The following RGS4 variants were observed in gnomAD, a reference collection of about 807,000 sequenced individuals.
RGS4 encodes the protein regulator of G protein signaling 4.
In RGS4, 15 loss-of-function variants were observed where a neutral mutation model predicts 21.6. The ratio of observed to expected loss-of-function variants is 0.69; its 90% CI spans 0.46 to 1.07. The LOEUF is 1.07. RGS4 is among the 50% of genes least tolerant of loss of function. RGS4 has a pLI of 0.00. For missense variants in RGS4, 237 were observed against 239.0 expected, an observed-to-expected ratio of 0.99 and a Z score of 0.06; for synonymous variants, 94 against 85.5, an observed-to-expected ratio of 1.10 and a Z score of -0.55.
chr1:163,073,341 AG>A, intron 3 of RGS4, 114 bp from the exon 4 acceptor site: 1 of 825,040 alleles, frequency 1.2e-6, no homozygotes, highest in Non-Finnish European at 1.8e-6. Context: ...CAGGGGAAAA[AG>A]GGATTGCTTG....
chr1:163,073,787 C>T (rs995362909), intron 4 of RGS4, 165 bp downstream of exon 4: 5 of 542,838 alleles, frequency 9.2e-6, no homozygotes, highest in South Asian at 8.8e-5. Context: ...ATCTCCTCTT[C>T]TAGCTATCTT....
chr1:163,074,348 G>A lies in RGS4; in HGVS notation c.406G>A (p.Glu136Lys), dbSNP rs759654367. Residue 136 changes from glutamate (E) to lysine (K), a missense_variant, in exon 5 of 5, where the codon GAG becomes AAG. By Grantham distance (56) the Glu-to-Lys change is moderately conservative. Coordinates refer to ENST00000367909, the MANE Select transcript of RGS4 (RefSeq NM_005613.6). ...EVNLDSCTRE[E>K]TSRNMLEPTI... is the part of the protein sequence containing the mutation. ...GAACCTGGATTCTTGCACCAGGGAA[G>A]AGACAAGCCGGAACATGCTAGAGCC... The A allele has an allele frequency of 1.2e-6, 2 of 1,613,716 alleles. No homozygotes were observed. Among genetic ancestry groups the A allele is most frequent in the African/African-American group, 1.3e-5 (1 of 74,900 alleles).
chr1:163,070,348 A>C (rs1334248657), intron 1 of RGS4, among the ~76,000 whole-genome samples: 1 of 152,184 alleles, frequency 6.6e-6, no homozygotes, highest in Non-Finnish European at 1.5e-5. Context: ...ATGAGTGCAT[A>C]TTACATTACT....
rs1571158436 is a variant in RGS4 at position 163,069,478 on chromosome 1, A to C, written c.-7A>C. The C allele has an allele frequency of 6.2e-7, 1 of 1,613,520 alleles. No homozygotes were observed. The highest frequency in any genetic ancestry group is 1.3e-5 in the African/African-American group (1 of 74,982). On this transcript the variant is annotated 5_prime_UTR_variant, in exon 1 of 5. Coordinates refer to ENST00000367909, the MANE Select transcript of RGS4 (RefSeq NM_005613.6). ...TCCTGCTTGCGAATTCCAAGCTGTTAAATAAGATGTGCAAAGGGCTTGCAG... is the reference window on the plus strand; with the variant it reads ...TCCTGCTTGCGAATTCCAAGCTGTTCAATAAGATGTGCAAAGGGCTTGCAG...
upstream of RGS4, chr1:163,069,149 T>C: frequency 2.0e-6 from 3 of 1,497,084 alleles, no homozygotes; most frequent in Non-Finnish European, 2.7e-6. Context: ...GGTGGAGACA[T>C]TGAGTACATT....
intron 4 of RGS4, 137 bp downstream of exon 4, chr1:163,073,759 G>T (rs1004001630): frequency 1.7e-5 from 10 of 589,338 alleles, no homozygotes; most frequent in Admixed American, 7.1e-5. Flanking sequence ...TTATTTCTAC[G>T]TGTTGAGAAC....
At chr1:163,069,295 G>T, upstream of RGS4, 5 of 1,551,302 alleles carry the variant, frequency 3.2e-6, no homozygotes, top group Non-Finnish European at 4.4e-6. Context: ...GTACTGCAGA[G>T]CGGTCGTCTG....
rs1336057263 is a variant in RGS4, at chr1:163,073,585, TCTATAATGAATTCATCTCA to T, written c.342_360del (p.Ile114MetfsTer8). 1 of 1,610,260 alleles carries T rather than the reference TCTATAATGAATTCATCTCA, an allele frequency of 6.2e-7. No homozygotes were observed. Among genetic ancestry groups the T allele is most frequent in the Non-Finnish European group, 8.5e-7 (1 of 1,178,854 alleles). ...AAACTAAGTCCCAAGGCCAAAAAGA[TCTATAATGAATTCATCTCA>T]GTCCAGGCAACCAAAGAGGTAGGTT... On this transcript the variant is annotated frameshift_variant, in exon 4 of 5. Coordinates refer to ENST00000367909, the MANE Select transcript of RGS4 (RefSeq NM_005613.6). LOFTEE classifies it high-confidence loss of function.
intron 3 of RGS4, 103 bp downstream of exon 3, chr1:163,072,969 C>G (rs994166198): frequency 1.1e-6 from 1 of 951,886 alleles, no homozygotes; most frequent in Non-Finnish European, 1.6e-6. Flanking sequence ...TTCTGATGTT[C>G]AGACTCAGGA....
intron 3 of RGS4, 26 bp downstream of exon 3, chr1:163,072,892 A>C (rs1220523074): frequency 1.9e-6 from 3 of 1,594,650 alleles, no homozygotes; most frequent in East Asian, 4.5e-5. Context: ...ACCTGGGATG[A>C]GGTACTCTGG....
chr1:163,074,125 C>G (rs981685623), intron 4 of RGS4, 196 bp from the exon 5 acceptor site: 38 of 635,602 alleles, frequency 6.0e-5, no homozygotes, highest in Middle Eastern at 4.3e-4. Context: ...TTGCCCTGCT[C>G]TCTCTAAAGC....
At chr1:163,073,410 G>A in intron 3 of RGS4, 46 bp from the exon 4 acceptor site, 2 of 1,477,102 alleles carry the variant, frequency 1.4e-6, no homozygotes, top group Non-Finnish European at 1.8e-6. Flanking sequence ...TATCCAAGAG[G>A]CCAACCAGTG....
chr1:163,075,478 G>A lies in RGS4; in HGVS notation c.*918G>A, dbSNP rs1461291186. 1 of 152,200 alleles carries A rather than the reference G, an allele frequency of 6.6e-6. No homozygotes were observed. Among genetic ancestry groups the A allele is most frequent in the East Asian group, 1.9e-4 (1 of 5,174 alleles). 9.4% of individuals were successfully genotyped at this position (152,200 alleles called of 1,614,324 possible). On this transcript the variant is annotated 3_prime_UTR_variant, in exon 5 of 5. Coordinates refer to ENST00000367909, the MANE Select transcript of RGS4 (RefSeq NM_005613.6). Reference sequence around the variant, plus strand: ...TGCCAGCCTTCCCTTCTTTTCCTGGGTGCTCAGGGCATGCTTATTAGCAGC... The same window carrying A: ...TGCCAGCCTTCCCTTCTTTTCCTGGATGCTCAGGGCATGCTTATTAGCAGC...
In RGS4 at chr1:163,076,433, C is replaced by T. The variant is rs1001946049; in HGVS notation, c.*1873C>T. Reference sequence around the variant, plus strand: ...TGTCATTTTCTGTTATACACAGTTCCACAATTTTGTCTCTAGTTGACTTCA... The same window carrying T: ...TGTCATTTTCTGTTATACACAGTTCTACAATTTTGTCTCTAGTTGACTTCA... On this transcript the variant is annotated 3_prime_UTR_variant, in exon 5 of 5. Transcript: ENST00000367909. The T allele has an allele frequency of 1.3e-5, 2 of 152,520 alleles. No individual in the cohort carries two copies. Among genetic ancestry groups the T allele is most frequent in the African/African-American group, 2.4e-5 (1 of 41,420 alleles). The allele number at this position is 152,520 out of a possible 1,614,324, so 9.4% of individuals were successfully genotyped here.
chr1:163,070,564 G>A (rs1655267643), intron 1 of RGS4: 1 of 152,146 alleles, frequency 6.6e-6, no homozygotes, highest in Middle Eastern at 3.2e-3. Flanking sequence ...AATGAAGCAG[G>A]AGGGTCTGGC....
Position 163,073,616 on chromosome 1 carries a change from C to G in RGS4, c.372C>G (p.Thr124=). 1 of 1,585,778 alleles carries G rather than the reference C, an allele frequency of 6.3e-7. No individual in the cohort carries two copies. Among genetic ancestry groups the G allele is most frequent in the African/African-American group, 1.4e-5 (1 of 73,182 alleles). Residue 124 remains threonine, a synonymous_variant, in exon 4 of 5, where the codon ACC becomes ACG. Coordinates refer to ENST00000367909, the MANE Select transcript of RGS4 (RefSeq NM_005613.6). ...IYNEFISVQA[T]KEVNLDSCTR... ...ATGAATTCATCTCAGTCCAGGCAAC[C>G]AAAGAGGTAGGTTTTTTATGGATAC...
intron 1 of RGS4, among the ~76,000 whole-genome samples, chr1:163,071,489 T>C (rs933051814): frequency 2.6e-5 from 4 of 152,192 alleles, no homozygotes; most frequent in Non-Finnish European, 4.4e-5. Context: ...CAAGAGGATA[T>C]TTAATAAAAA....
In RGS4 at chr1:163,072,417, C is replaced by T; in HGVS notation, c.67C>T (p.Leu23=). 1 of 1,612,902 alleles carries T rather than the reference C, an allele frequency of 6.2e-7. No individual in the cohort carries two copies. The highest frequency in any genetic ancestry group is 8.5e-7 in the Non-Finnish European group (1 of 1,179,316). ...LRSAKDMKHR[L]GFLLQKSDSC... is the part of the protein sequence containing the mutation. Reference sequence around the variant, plus strand: ...CAGTGCAAAAGATATGAAACATCGGCTAGGTTTCCTGCTGCAAAAATCTGA... The same window carrying T: ...CAGTGCAAAAGATATGAAACATCGGTTAGGTTTCCTGCTGCAAAAATCTGA... Residue 23 remains leucine, a synonymous_variant, in exon 2 of 5, where the codon CTA becomes TTA. Transcript: ENST00000367909.
chr1:163,071,855 G>GCCCC (rs763643387), intron 1 of RGS4: 8 of 1,822 alleles, frequency 4.4e-3, no homozygotes, highest in African/African-American at 0.013. Flanking sequence ...GGAACTGCTT[G>GCCCC]CCCCCCCCCC....
Sources: allele counts gnomAD v4.1 joint callset (sites outside exome capture counted in the v4.1 genomes callset), GRCh38; gene constraint gnomAD v4.1.1; transcripts MANE v1.5; gene names NCBI Gene and HGNC (gene_info 2026-07-23, HGNC 2026-07-21).